SRD5A2: variants seen among roughly 807,000 people sequenced by gnomAD.
The protein encoded by SRD5A2 is steroid 5 alpha-reductase 2.
SRD5A2 carries 30 observed loss-of-function variants against 27.4 expected under a neutral mutation model. The observed-to-expected ratio is 1.10, with a 90% CI of 0.82 to 1.49. The LOEUF (loss-of-function observed/expected upper bound fraction) is 1.49, where lower values mean the gene tolerates loss of function less well. SRD5A2 is among the 40% of genes most tolerant of loss of function. The pLI, the probability that SRD5A2 is intolerant of heterozygous loss-of-function variation, is 0.00. For missense variants in SRD5A2, 348 were observed against 323.4 expected (o/e 1.08, Z -0.58); for synonymous variants, 141 against 133.6 (o/e 1.06, Z -0.38).
chr2:31,564,634 A>G (rs1322198628), intron 1 of SRD5A2, among the ~76,000 whole-genome samples: 1 of 152,020 alleles, frequency 6.6e-6, no homozygotes, highest in Non-Finnish European at 1.5e-5. Flanking sequence ...ACATGAAAAT[A>G]TTAAAAGTAG....
At chr2:31,650,172 C>A in the SRD5A2 span, among the ~76,000 whole-genome samples, 2 of 152,144 alleles carry the variant, frequency 1.3e-5, no homozygotes, top group East Asian at 3.9e-4. Flanking sequence ...GGAAAACAAA[C>A]CTGCAGACAT....
the SRD5A2 span, among the ~76,000 whole-genome samples, chr2:31,589,746 G>A: frequency 1.3e-5 from 2 of 152,122 alleles, no homozygotes; most frequent in African/African-American, 4.8e-5. Flanking sequence ...GCAGAAACGG[G>A]GTGGGGGGCA....
the SRD5A2 span, among the ~76,000 whole-genome samples, chr2:31,655,271 T>C: frequency 6.6e-6 from 1 of 152,022 alleles, no homozygotes; most frequent in Non-Finnish European, 1.5e-5. Context: ...CTGACTAATT[T>C]TTGTATTTTT....
At chr2:31,532,005 G>C (rs1665919103) in intron 2 of SRD5A2, among the ~76,000 whole-genome samples, 1 of 152,164 alleles carries the variant, frequency 6.6e-6, no homozygotes, top group East Asian at 1.9e-4. Context: ...GTGCAGGCAA[G>C]ACCGGTGCCC....
At chr2:31,528,955 TG>T (rs1665839967) in intron 4 of SRD5A2, among the ~76,000 whole-genome samples, 1 of 152,154 alleles carries the variant, frequency 6.6e-6, no homozygotes, top group Non-Finnish European at 1.5e-5. Flanking sequence ...GCCTGCCTGG[TG>T]GGCACAGAGC....
the SRD5A2 span, among the ~76,000 whole-genome samples, chr2:31,618,148 CT>C: frequency 6.6e-6 from 1 of 152,062 alleles, no homozygotes; most frequent in Non-Finnish European, 1.5e-5. Flanking sequence ...GGCAAGAGAG[CT>C]TGTGCAGAGG....
the SRD5A2 span, among the ~76,000 whole-genome samples, chr2:31,621,483 A>G: frequency 1.3e-5 from 2 of 152,112 alleles, no homozygotes; most frequent in Non-Finnish European, 2.9e-5. Context: ...AATATTGCGC[A>G]GTTTGTTTAT....
chr2:31,560,427 G>T, intron 1 of SRD5A2, among the ~76,000 whole-genome samples: 1 of 152,134 alleles, frequency 6.6e-6, no homozygotes, highest in African/African-American at 2.4e-5. Flanking sequence ...AACTTCTCCA[G>T]CACTTTTTGT....
At chr2:31,615,407 T>G in the SRD5A2 span, among the ~76,000 whole-genome samples, 1 of 152,124 alleles carries the variant, frequency 6.6e-6, no homozygotes, top group Non-Finnish European at 1.5e-5. Flanking sequence ...GATGAGGAGC[T>G]AGTTGGGAAC....
At chr2:31,571,197 G>A (rs1572654342) in intron 1 of SRD5A2, among the ~76,000 whole-genome samples, 1 of 152,144 alleles carries the variant, frequency 6.6e-6, no homozygotes, top group Non-Finnish European at 1.5e-5. Context: ...GAACAGGATA[G>A]AGTGCCCAGA....
the SRD5A2 span, among the ~76,000 whole-genome samples, chr2:31,627,521 A>C: frequency 6.6e-6 from 1 of 151,468 alleles, no homozygotes; most frequent in Non-Finnish European, 1.5e-5. Flanking sequence ...CTTTCAGGTT[A>C]ATTTCCCTTG....
chr2:31,634,907 T>C, the SRD5A2 span, among the ~76,000 whole-genome samples: 1 of 152,172 alleles, frequency 6.6e-6, no homozygotes, highest in Non-Finnish European at 1.5e-5. Flanking sequence ...TGGGTATATG[T>C]AGCACATTTT....
chr2:31,647,123 C>T, the SRD5A2 span, among the ~76,000 whole-genome samples: 11 of 151,796 alleles, frequency 7.2e-5, no homozygotes, highest in South Asian at 2.1e-4. Flanking sequence ...CCAGCCTGGG[C>T]GACAGAGTAA....
intron 1 of SRD5A2, among the ~76,000 whole-genome samples, chr2:31,574,420 CTTTAT>C (rs1419277960): frequency 6.6e-6 from 1 of 152,110 alleles, no homozygotes; most frequent in East Asian, 1.9e-4. Flanking sequence ...CATCGTAATT[CTTTAT>C]TTTGTTTGTT....
intron 1 of SRD5A2, among the ~76,000 whole-genome samples, chr2:31,579,561 T>C (rs1419810247): frequency 1.3e-5 from 2 of 152,244 alleles, no homozygotes; most frequent in African/African-American, 2.4e-5. Context: ...CCTCAGAGAT[T>C]CACAAGCTCA....
the SRD5A2 span, among the ~76,000 whole-genome samples, chr2:31,623,280 CTAAGA>C: frequency 2.0e-5 from 3 of 151,946 alleles, no homozygotes; most frequent in Non-Finnish European, 4.4e-5. Flanking sequence ...TTTCCATACT[CTAAGA>C]TAAATATAAA....
At chr2:31,602,805 A>G in the SRD5A2 span, among the ~76,000 whole-genome samples, 1 of 151,518 alleles carries the variant, frequency 6.6e-6, no homozygotes, top group African/African-American at 2.4e-5. Context: ...AAAGAAAAAC[A>G]GCAATGGGAA....
chr2:31,586,248 C>A, the SRD5A2 span, among the ~76,000 whole-genome samples: 1 of 152,074 alleles, frequency 6.6e-6, no homozygotes, highest in South Asian at 2.1e-4. Context: ...CAATAGAATG[C>A]CAGGTAGACT....
the SRD5A2 span, among the ~76,000 whole-genome samples, chr2:31,647,130 G>A: frequency 6.6e-6 from 1 of 152,022 alleles, no homozygotes; most frequent in Non-Finnish European, 1.5e-5. Context: ...GGGCGACAGA[G>A]TAACACCCTG....
Sources: allele counts gnomAD v4.1 joint callset (sites outside exome capture counted in the v4.1 genomes callset), GRCh38; gene constraint gnomAD v4.1.1; transcripts MANE v1.5; gene names NCBI Gene and HGNC (gene_info 2026-07-23, HGNC 2026-07-21).